The following UNC80 variants were observed in gnomAD, a reference collection of about 807,000 sequenced individuals.
UNC80 encodes the protein protein unc-80 homolog.
Under a neutral mutation model 384.6 loss-of-function variants are expected in UNC80, and 164 were observed. That is an observed-to-expected ratio of 0.43 (90% confidence interval 0.38 to 0.49). The LOEUF is 0.49. UNC80 is among the 20% of genes least tolerant of loss of function. The pLI is 0.00. For missense variants in UNC80, 3,330 were observed against 4,143.0 expected, an observed-to-expected ratio of 0.80 and a Z score of 5.39; for synonymous variants, 1,486 against 1,527.8, an observed-to-expected ratio of 0.97 and a Z score of 0.64.
At position 209,997,186 on chromosome 2, in the gene UNC80, G is replaced by A. The variant is rs551052041; in HGVS notation, c.*1591G>A. On this transcript the variant is annotated 3_prime_UTR_variant, in exon 65 of 65. Coordinates refer to ENST00000673920, the MANE Select transcript of UNC80 (RefSeq NM_001371986.1). ...CTAAGAGAATGAAAGATATCCATGAGTTAAAAGAACAAAACTAAAAATTTC... is the reference window on the plus strand; with the variant it reads ...CTAAGAGAATGAAAGATATCCATGAATTAAAAGAACAAAACTAAAAATTTC... 7 of 152,116 alleles carry A rather than the reference G, an allele frequency of 4.6e-5. No homozygotes were observed. The highest frequency in any genetic ancestry group is 3.2e-3 in the Middle Eastern group (1 of 316). The allele number at this position is 152,116 out of a possible 1,614,324, so 9.4% of individuals were successfully genotyped here. A position where few individuals can be genotyped will look rare whatever the true frequency, so the allele number is the denominator to read the frequency against.
Position 209,922,326 on chromosome 2 carries a change from A to C in UNC80, c.5605A>C (p.Asn1869His). The stretch of plus-strand genomic sequence containing the variant: ...CTGCACCTCCAGCACTTCCCACAGG[A>C]ATTATTCCTTCCGCCGCGGGTCAGT... The part of the protein sequence containing the change: ...PSCTSSTSHR[N>H]YSFRRGSVWS... The change falls in exon 35 of 65, where the codon AAT becomes CAT. Residue 1869 changes from asparagine to histidine, a missense_variant. Coordinates refer to ENST00000673920, the MANE Select transcript of UNC80 (RefSeq NM_001371986.1). 6.4e-7 allele frequency: 1 copy of C among 1,552,048 alleles called. No homozygotes were observed. Among genetic ancestry groups the C allele is most frequent in the South Asian group, 1.2e-5 (1 of 84,062 alleles).
At chr2:209,957,816 C>A in intron 49 of UNC80, 80 bp downstream of exon 49, 1 of 1,304,550 alleles carries the variant, frequency 7.7e-7, no homozygotes, top group South Asian at 1.4e-5. Context: ...TGAAAGGAAC[C>A]CTGAACATAG....
At chr2:209,793,057 C>T (rs1183561992) in intron 6 of UNC80, among the ~76,000 whole-genome samples, 1 of 152,174 alleles carries the variant, frequency 6.6e-6, no homozygotes, top group African/African-American at 2.4e-5. Context: ...AAGGGCTAAC[C>T]TTCCAGATAG....
At position 209,772,154 on chromosome 2, in the gene UNC80, C is replaced by A. The variant is rs1282118966; in HGVS notation, c.82C>A (p.Arg28=). The A allele has an allele frequency of 1.3e-6, 2 of 1,545,136 alleles. No individual in the cohort carries two copies. Among genetic ancestry groups the A allele is most frequent in the Non-Finnish European group, 1.7e-6 (2 of 1,144,660 alleles). ...CCTGCCCATCCAGACCTTCCTGTGG[C>A]GGCAAACCAGGTGAGGGGCGCAGAG... is the stretch of plus-strand genomic sequence containing the variant. ...IPLPIQTFLW[R]QTSAFLRPKL... is the part of the protein sequence containing the mutation. Residue 28 remains arginine (R), a synonymous_variant, in exon 1 of 65, where the codon CGG becomes AGG. Transcript: ENST00000673920.
chr2:209,915,815 T>C (rs374241767), intron 31 of UNC80, among the ~76,000 whole-genome samples: 3 of 152,284 alleles, frequency 2.0e-5, no homozygotes, highest in East Asian at 3.9e-4. Context: ...TTCAAAAGCA[T>C]AGTAGTGTGA....
chr2:209,923,819 G>A (rs533252995), intron 35 of UNC80, among the ~76,000 whole-genome samples: 9 of 151,710 alleles, frequency 5.9e-5, no homozygotes, highest in South Asian at 2.1e-4. Context: ...ACTAAATTAC[G>A]TCTCTTAAAC....
At chr2:209,863,978 T>G (rs1484279841) in intron 22 of UNC80, among the ~76,000 whole-genome samples, 1 of 152,024 alleles carries the variant, frequency 6.6e-6, no homozygotes, top group Non-Finnish European at 1.5e-5. Context: ...GTTTGTCTAG[T>G]TTCAGTCTTT....
intron 16 of UNC80, among the ~76,000 whole-genome samples, chr2:209,833,008 C>T (rs943421519): frequency 2.6e-5 from 4 of 152,154 alleles, no homozygotes; most frequent in African/African-American, 9.7e-5. Context: ...GCTGGGCACT[C>T]TCTGGTGAGT....
chr2:209,878,748 G>A (rs1310208159), intron 24 of UNC80, among the ~76,000 whole-genome samples: 1 of 152,094 alleles, frequency 6.6e-6, no homozygotes, highest in Non-Finnish European at 1.5e-5. Flanking sequence ...AAGCTTTTGT[G>A]TATATGTACC....
chr2:209,809,024 AAG>A (rs1240164321), intron 7 of UNC80: 1 of 377,092 alleles, frequency 2.7e-6, no homozygotes, highest in Non-Finnish European at 5.0e-6. Flanking sequence ...AGACTCCCCC[AAG>A]AGAGTTTCAA....
At chr2:209,794,420 G>A (rs1323043947) in intron 7 of UNC80, among the ~76,000 whole-genome samples, 1 of 152,046 alleles carries the variant, frequency 6.6e-6, no homozygotes, top group African/African-American at 2.4e-5. Context: ...CCACCTATGG[G>A]GCAAGAGCTC....
chr2:209,838,333 A>G (rs2081488735), intron 18 of UNC80, among the ~76,000 whole-genome samples: 1 of 149,610 alleles, frequency 6.7e-6, no homozygotes, highest in Non-Finnish European at 1.5e-5. Context: ...ATCTTACTTC[A>G]GCTGCCTATG....
intron 22 of UNC80, among the ~76,000 whole-genome samples, chr2:209,865,665 A>G (rs548891425): frequency 1.2e-4 from 19 of 152,066 alleles, no homozygotes; most frequent in African/African-American, 4.1e-4. Context: ...TTTTGCATTA[A>G]TATTCACAAA....
chr2:209,784,616 C>G (rs1158997210), intron 4 of UNC80, among the ~76,000 whole-genome samples: 1 of 152,104 alleles, frequency 6.6e-6, no homozygotes, highest in Non-Finnish European at 1.5e-5. Flanking sequence ...CAGAACTTTA[C>G]TCAAAAGTCA....
At chr2:209,790,794 T>A (rs921718057) in intron 6 of UNC80, among the ~76,000 whole-genome samples, 1 of 152,190 alleles carries the variant, frequency 6.6e-6, no homozygotes, top group African/African-American at 2.4e-5. Context: ...TATACTTTCC[T>A]CTTACATAGA....
chr2:209,968,265 C>T (rs941282490), intron 52 of UNC80: 2 of 152,196 alleles, frequency 1.3e-5, no homozygotes, highest in East Asian at 1.9e-4. Flanking sequence ...AGATGTGAGC[C>T]GAGTTTGGAA....
chr2:209,959,218 C>A (rs772218548), intron 50 of UNC80, 64 bp downstream of exon 50: 11 of 1,504,322 alleles, frequency 7.3e-6, no homozygotes, highest in Non-Finnish European at 1.0e-5. Flanking sequence ...GCCTTTTAAG[C>A]TGGTTTATGG....
chr2:209,891,264 G>A (rs1456384173), intron 26 of UNC80, among the ~76,000 whole-genome samples: 1 of 151,972 alleles, frequency 6.6e-6, no homozygotes, highest in Non-Finnish European at 1.5e-5. Flanking sequence ...TGAATTTATG[G>A]CCAAAAGAGG....
chr2:209,775,528 C>T (rs756128553), intron 2 of UNC80, among the ~76,000 whole-genome samples: 4 of 152,066 alleles, frequency 2.6e-5, no homozygotes, highest in African/African-American at 7.2e-5. Context: ...TTGGATGACT[C>T]GGCAACATTT....
Sources: gnomAD v4.1 joint callset for allele counts (sites outside exome capture counted in the v4.1 genomes callset) on GRCh38, gnomAD v4.1.1 for gene constraint, MANE v1.5 for transcripts, NCBI Gene and HGNC (gene_info 2026-07-23, HGNC 2026-07-21) for gene names.